Variants in PKN2 observed in about 807,000 individuals in gnomAD.
PKN2 encodes protein kinase N2, also known as serine/threonine-protein kinase N2.
PKN2 carries 38 observed loss-of-function variants against 119.1 expected under a neutral mutation model. That is an observed-to-expected ratio of 0.32 (90% CI 0.25 to 0.42). PKN2 has a LOEUF of 0.42. Among genes scored for constraint, PKN2 ranks in the 10% least tolerant of loss-of-function variants. The pLI is 1.00. For synonymous variants in PKN2, 390 were observed against 384.9 expected, an observed-to-expected ratio of 1.01 and a Z score of -0.15; for missense variants, 850 against 1,165.1, an observed-to-expected ratio of 0.73 and a Z score of 3.94.
intron 18 of PKN2, among the ~76,000 whole-genome samples, chr1:88,827,845 G>C (rs1052668231): frequency 3.3e-5 from 5 of 151,750 alleles, no homozygotes; most frequent in Non-Finnish European, 5.9e-5. Flanking sequence ...TCAACCTCCC[G>C]AGTAGCTGAG....
intron 1 of PKN2, among the ~76,000 whole-genome samples, chr1:88,701,263 G>A (rs1666758491): frequency 6.6e-6 from 1 of 152,252 alleles, no homozygotes; most frequent in East Asian, 1.9e-4. Context: ...GCCCAACATG[G>A]TGAAACCCTG....
chr1:88,783,836 A>AT (rs1032599822), intron 6 of PKN2, among the ~76,000 whole-genome samples: 1 of 152,144 alleles, frequency 6.6e-6, no homozygotes, highest in Non-Finnish European at 1.5e-5. Flanking sequence ...ACAACCCATG[A>AT]TTTTTTGGCT....
chr1:88,816,344 T>G (rs1671992464), intron 16 of PKN2, among the ~76,000 whole-genome samples: 1 of 151,952 alleles, frequency 6.6e-6, no homozygotes, highest in South Asian at 2.1e-4. Context: ...CCACACAGGT[T>G]CAAGAGATTA....
chr1:88,807,458 C>T lies in PKN2; in HGVS notation c.1934+15C>T, dbSNP rs1436096515. 1 of 1,607,022 alleles carries T rather than the reference C, an allele frequency of 6.2e-7. No homozygotes were observed. The highest frequency in any genetic ancestry group is 8.5e-7 in the Non-Finnish European group (1 of 1,177,472). The stretch of plus-strand genomic sequence containing the variant: ...GAGGACAGAAGGTAAAGAATATATA[C>T]CAAATTTTGCGACTACATGTTTGGT... On this transcript the variant is annotated intron_variant, in intron 13 of 21. Transcript: ENST00000370521.
chr1:88,781,245 A>T (rs762016118), intron 6 of PKN2: 1 of 876,950 alleles, frequency 1.1e-6, no homozygotes, highest in African/African-American at 1.8e-5. Flanking sequence ...TTGTGGTTGT[A>T]TGATTATACT....
intron 12 of PKN2, among the ~76,000 whole-genome samples, chr1:88,806,768 G>A (rs1570660192): frequency 1.3e-5 from 2 of 152,116 alleles, no homozygotes; most frequent in South Asian, 2.1e-4. Flanking sequence ...TGCCCAGGCT[G>A]GAGTGCAATG....
chr1:88,748,478 C>T (rs1464198551), intron 2 of PKN2, among the ~76,000 whole-genome samples: 1 of 151,994 alleles, frequency 6.6e-6, no homozygotes, highest in Non-Finnish European at 1.5e-5. Flanking sequence ...ATAATTTATC[C>T]ATTCACAAAG....
In PKN2 at chr1:88,785,995, A is replaced by G. The variant is rs1670557107; in HGVS notation, c.1172-109A>G. On this transcript the variant is annotated intron_variant, in intron 7 of 21. Coordinates refer to ENST00000370521, the MANE Select transcript of PKN2 (RefSeq NM_006256.4). Reference sequence around the variant, plus strand: ...AAAGTTTTAATATTGATTATGAAAAACTTTATTTTCAAAGGGTCTTAAGAC... The same window carrying G: ...AAAGTTTTAATATTGATTATGAAAAGCTTTATTTTCAAAGGGTCTTAAGAC... The G allele has an allele frequency of 9.8e-6, 6 of 615,108 alleles. No homozygotes were observed. The South Asian group carries it at 1.4e-4, about 14-fold the overall frequency. The allele number at this position is 615,108 out of a possible 1,614,324, so 38.1% of individuals were successfully genotyped here.
intron 16 of PKN2, among the ~76,000 whole-genome samples, chr1:88,815,101 C>T (rs1232083027): frequency 6.6e-6 from 1 of 152,166 alleles, no homozygotes; most frequent in East Asian, 1.9e-4. Context: ...TAAGGCAGAG[C>T]ATTACAATTA....
rs551414969 is a variant in PKN2 at position 88,791,187 on chromosome 1, C to T, written c.1281+4974C>T. 1.1e-4 allele frequency among the ~76,000 whole-genome samples: 16 copies of T among 152,006 alleles called. No individual in the cohort carries two copies. The South Asian group carries it at 3.1e-3, about 30-fold the overall frequency. ...GTGTGGTGGCTCATGCCTGTAAACC[C>T]AGCACTTCGGCAGGCCGAAGTGGGC... On this transcript the variant is annotated intron_variant, in intron 8 of 21. Transcript: ENST00000370521.
chr1:88,685,367 T>A lies in PKN2; in HGVS notation c.48+739T>A, dbSNP rs1341211909. Among the ~76,000 whole-genome samples the A allele has an allele frequency of 2.6e-5, 4 of 152,156 alleles. No homozygotes were observed. The East Asian group carries it at 7.7e-4, about 29-fold the overall frequency. On this transcript the variant is annotated intron_variant, in intron 1 of 21. Transcript: ENST00000370521. ...TCAGACTTTCATTTTCCCTCTCATTTGAGCACCAGAGAAAGAGCTAATAAG... is the reference window on the plus strand; with the variant it reads ...TCAGACTTTCATTTTCCCTCTCATTAGAGCACCAGAGAAAGAGCTAATAAG...
chr1:88,699,884 G>A (rs1235268827), intron 1 of PKN2, among the ~76,000 whole-genome samples: 1 of 152,022 alleles, frequency 6.6e-6, no homozygotes, highest in East Asian at 1.9e-4. Flanking sequence ...CTGGGTTCAA[G>A]TGATTCTCCT....
intron 2 of PKN2, among the ~76,000 whole-genome samples, chr1:88,755,316 G>A (rs1453657227): frequency 1.3e-5 from 2 of 152,158 alleles, no homozygotes; most frequent in East Asian, 3.8e-4. Flanking sequence ...CAGTGTGTAG[G>A]AAGGCAGGTT....
intron 3 of PKN2, among the ~76,000 whole-genome samples, chr1:88,769,011 C>T (rs2100797592): frequency 6.7e-6 from 1 of 149,770 alleles, no homozygotes. Flanking sequence ...CCAGCGTGAA[C>T]TCATAGAATG....
intron 1 of PKN2, among the ~76,000 whole-genome samples, chr1:88,697,131 T>C (rs1262850674): frequency 6.6e-6 from 1 of 152,178 alleles, no homozygotes; most frequent in African/African-American, 2.4e-5. Context: ...AGCATTTTGA[T>C]ACATTTGCAA....
At chr1:88,789,093 A>G (rs1224895142) in intron 8 of PKN2, among the ~76,000 whole-genome samples, 6 of 152,216 alleles carry the variant, frequency 3.9e-5, no homozygotes, top group African/African-American at 9.6e-5. Context: ...TAAGAGCAGA[A>G]CTATAGAAAA....
intron 15 of PKN2, among the ~76,000 whole-genome samples, chr1:88,810,353 C>T (rs2100887925): frequency 6.6e-6 from 1 of 151,916 alleles, no homozygotes; most frequent in South Asian, 2.1e-4. Flanking sequence ...AACTCCTGAG[C>T]TCAGGTGATC....
chr1:88,694,733 A>C (rs1305045874), intron 1 of PKN2, among the ~76,000 whole-genome samples: 1 of 152,156 alleles, frequency 6.6e-6, no homozygotes, highest in Non-Finnish European at 1.5e-5. Context: ...CAACAATAAG[A>C]GTTTTTGTTG....
chr1:88,743,288 C>G (rs985804477), intron 2 of PKN2, among the ~76,000 whole-genome samples: 1 of 152,150 alleles, frequency 6.6e-6, no homozygotes, highest in Admixed American at 6.5e-5. Context: ...TGTGTGCACC[C>G]AGCTAACCAT....
Sources: allele counts gnomAD v4.1 joint callset (sites outside exome capture counted in the v4.1 genomes callset), GRCh38; gene constraint gnomAD v4.1.1; transcripts MANE v1.5; gene names NCBI Gene and HGNC (gene_info 2026-07-23, HGNC 2026-07-21).